Variants in SLC4A8 observed in about 807,000 individuals in gnomAD.
The protein encoded by SLC4A8 is electroneutral sodium bicarbonate exchanger 1.
Under a neutral mutation model 125.0 loss-of-function variants are expected in SLC4A8, and 40 were observed. The observed-to-expected ratio is 0.32, with a 90% CI of 0.25 to 0.42. The LOEUF (loss-of-function observed/expected upper bound fraction) is 0.42. Ranked by LOEUF, SLC4A8 falls within the 10% of genes least tolerant of loss-of-function variation. The pLI is 1.00. For synonymous variants in SLC4A8, 456 were observed against 476.0 expected (o/e 0.96, Z 0.55); for missense variants, 863 against 1,355.1 (o/e 0.64, Z 5.70).
chr12:51,464,248 C>T (rs964458738), intron 11 of SLC4A8, among the ~76,000 whole-genome samples: 1 of 152,182 alleles, frequency 6.6e-6, no homozygotes, highest in African/African-American at 2.4e-5. Context: ...GCACAGTGCC[C>T]TGAACAGAGT....
rs758735076 is a variant in SLC4A8, at chr12:51,471,410, A to G, written c.1782A>G (p.Glu594=). ...SLVCYITRFT[E]EAFASLICII... is the part of the protein sequence containing the mutation. The stretch of plus-strand genomic sequence containing the variant: ...TCTGCTACATTACCCGTTTCACTGA[A>G]GAAGCATTTGCCTCCCTAATTTGCA... The change falls in exon 14 of 25, where the codon GAA becomes GAG. Residue 594 remains glutamate (E), a synonymous_variant. Transcript: ENST00000453097. 1 of 1,614,204 alleles carries G rather than the reference A, an allele frequency of 6.2e-7. No individual in the cohort carries two copies. The highest frequency in any genetic ancestry group is 8.5e-7 in the Non-Finnish European group (1 of 1,180,028).
At chr12:51,504,662 G>T (rs1201905963) in intron 23 of SLC4A8, among the ~76,000 whole-genome samples, 1 of 152,190 alleles carries the variant, frequency 6.6e-6, no homozygotes, top group African/African-American at 2.4e-5. Flanking sequence ...GAAATCCAAT[G>T]CTTGGGCAAG....
rs371182475 is a variant in SLC4A8, at chr12:51,504,045, T to C, written c.3098T>C (p.Leu1033Ser). ...AKEEEEAEKM[L>S]EIGGDKFPLE... is the part of the protein sequence containing the mutation. ...TTCTTCCAGGAGGCTGAGAAAATGT[T>C]AGAAATTGGGGGAGACAAGTTTCCC... The change falls in exon 23 of 25, where the codon TTA (leucine) becomes TCA (serine). Residue 1033 changes from leucine (L) to serine (S), a missense_variant. Physicochemically the swap from Leu to Ser is moderately radical, Grantham distance 145. Transcript: ENST00000453097. The C allele has an allele frequency of 6.3e-6, 10 of 1,580,442 alleles. No individual in the cohort carries two copies. In the African/African-American group the frequency reaches 1.1e-4, roughly 17 times the overall value.
At chr12:51,410,453 T>C (rs1057311491) in intron 1 of SLC4A8, among the ~76,000 whole-genome samples, 8 of 152,028 alleles carry the variant, frequency 5.3e-5, no homozygotes, top group Non-Finnish European at 8.8e-5. Context: ...GGTGTTGAAA[T>C]TAATCTCTTT....
At chr12:51,462,549 A>G in intron 10 of SLC4A8, 93 bp downstream of exon 10, 3 of 948,938 alleles carry the variant, frequency 3.2e-6, no homozygotes, top group Non-Finnish European at 3.0e-6. Context: ...TGCTAAATAT[A>G]TCAAGATGCA....
At chr12:51,462,173 C>A in intron 9 of SLC4A8, 137 bp from the exon 10 acceptor site, 1 of 776,814 alleles carries the variant, frequency 1.3e-6, no homozygotes, top group Non-Finnish European at 2.1e-6. Context: ...TCTCTAAGTG[C>A]TAAAGTTTTC....
At chr12:51,400,846 TTATATACGTATATAAACATATATATG>T (rs1565749459) in intron 1 of SLC4A8, among the ~76,000 whole-genome samples, 93 of 126,276 alleles carry the variant, frequency 7.4e-4, no homozygotes, top group African/African-American at 2.6e-3. Flanking sequence ...ACATATATGT[TTATATACGTATATAAACATATATATG>T]TATATACATA....
intron 17 of SLC4A8, among the ~76,000 whole-genome samples, chr12:51,488,234 C>A (rs1182067636): frequency 6.6e-6 from 1 of 152,196 alleles, no homozygotes; most frequent in Non-Finnish European, 1.5e-5. Context: ...TTTTTTATTT[C>A]AAGTTTACTA....
intron 1 of SLC4A8, among the ~76,000 whole-genome samples, chr12:51,431,227 T>C (rs1372923518): frequency 1.3e-5 from 2 of 152,232 alleles, no homozygotes; most frequent in African/African-American, 2.4e-5. Flanking sequence ...AGGATCCTTG[T>C]TATTACACTG....
intron 2 of SLC4A8, among the ~76,000 whole-genome samples, chr12:51,445,044 A>G (rs1949729515): frequency 6.6e-6 from 1 of 152,184 alleles, no homozygotes; most frequent in African/African-American, 2.4e-5. Context: ...GGATGGCTGT[A>G]TTGAAGAACT....
chr12:51,494,978 G>C lies in SLC4A8; in HGVS notation c.2803G>C (p.Ala935Pro). ...TCGTCTAAAGCTCTTTGGGATGCCCGCAAAGCACCAGCCAGATTTCATCTA... is the reference window on the plus strand; with the variant it reads ...TCGTCTAAAGCTCTTTGGGATGCCCCCAAAGCACCAGCCAGATTTCATCTA... ...FDRLKLFGMP[A>P]KHQPDFIYLR... The change falls in exon 21 of 25, where the codon GCA (alanine) becomes CCA (proline). Residue 935 changes from alanine to proline, a missense_variant. Transcript: ENST00000453097. 1.2e-6 allele frequency: 2 copies of C among 1,614,062 alleles called. No homozygotes were observed. Among genetic ancestry groups the C allele is most frequent in the Non-Finnish European group, 1.7e-6 (2 of 1,179,988 alleles).
intron 23 of SLC4A8, among the ~76,000 whole-genome samples, chr12:51,505,302 T>G (rs1938118580): frequency 6.6e-6 from 1 of 152,238 alleles, no homozygotes; most frequent in South Asian, 2.1e-4. Context: ...CTTGCTGTTG[T>G]TTGACCTTGG....
In SLC4A8 at chr12:51,469,784, G is replaced by A. The variant is rs200633626; in HGVS notation, c.1520G>A (p.Arg507His). 181 of 1,613,810 alleles carry A rather than the reference G, an allele frequency of 1.1e-4. 1 individual carries two copies. The highest frequency in any genetic ancestry group is 5.3e-4 in the South Asian group (48 of 91,044). Residue 507 changes from arginine (R) to histidine (H), a missense_variant, in exon 12 of 25, where the codon CGC becomes CAC. By Grantham distance (29) the Arg-to-His change is conservative (BLOSUM62 0). Transcript: ENST00000453097. Reference protein sequence around the residue: ...GGLLGEATEGRISAIESLFGA... With the variant: ...GGLLGEATEGHISAIESLFGA... Reference sequence around the variant, plus strand: ...CTGCTTGGAGAAGCCACTGAGGGACGCATAGTAAGGACTTTTAACCACTTC... The same window carrying A: ...CTGCTTGGAGAAGCCACTGAGGGACACATAGTAAGGACTTTTAACCACTTC...
upstream of SLC4A8, among the ~76,000 whole-genome samples, chr12:51,424,076 A>AAAC (rs1555186726): frequency 7.9e-6 from 1 of 126,278 alleles, no homozygotes; most frequent in African/African-American, 2.8e-5. Flanking sequence ...CAAAAAAAAA[A>AAAC]CAAAAAAAAC....
rs138383150 is a variant in SLC4A8 at position 51,405,485 on chromosome 12, C to T, written c.-112+13997C>T. ...TTGAAGAGGTTGCACCCAAATTCCC[C>T]AGTGGGGGTCTCCACCATTATATAT... On this transcript the variant is annotated intron_variant, in intron 1 of 24. Coordinates refer to the SLC4A8 transcript ENST00000358657. Among the ~76,000 whole-genome samples, 201 of 152,378 alleles carry T rather than the reference C, an allele frequency of 1.3e-3. 1 individual carries two copies. The highest frequency in any genetic ancestry group is 2.1e-3 in the Non-Finnish European group (141 of 68,040).
chr12:51,507,150 G>A (rs1592286365), intron 24 of SLC4A8, among the ~76,000 whole-genome samples: 1 of 152,332 alleles, frequency 6.6e-6, no homozygotes, highest in Non-Finnish European at 1.5e-5. Context: ...GCCACCAGTG[G>A]GTGGTAGTGG....
At chr12:51,498,401 TAATC>T (rs1287936709) in intron 22 of SLC4A8, among the ~76,000 whole-genome samples, 15 of 152,022 alleles carry the variant, frequency 9.9e-5, no homozygotes, top group African/African-American at 3.6e-4. Flanking sequence ...TTCTCACTAA[TAATC>T]AAAGAAATGA....
chr12:51,432,362 G>C (rs531204827), intron 1 of SLC4A8, among the ~76,000 whole-genome samples: 37 of 143,616 alleles, frequency 2.6e-4, no homozygotes, highest in Middle Eastern at 3.9e-3. Flanking sequence ...AGTGAGCCAA[G>C]ATGGCGCCAC....
chr12:51,497,216 G>A (rs200001367), intron 22 of SLC4A8, 92 bp downstream of exon 22: 42 of 1,340,124 alleles, frequency 3.1e-5, no homozygotes, highest in Admixed American at 1.9e-4. Context: ...CTGGAATCCC[G>A]AGGGTTATAT....
Sources: gnomAD v4.1 joint callset for allele counts (sites outside exome capture counted in the v4.1 genomes callset) on GRCh38, gnomAD v4.1.1 for gene constraint, MANE v1.5 for transcripts, NCBI Gene and HGNC (gene_info 2026-07-23, HGNC 2026-07-21) for gene names.